The following SCARA5 variants were observed in gnomAD, a reference collection of about 807,000 sequenced individuals.
SCARA5 encodes the protein scavenger receptor class A, member 5 (putative).
SCARA5 carries 45 observed loss-of-function variants against 46.3 expected under a neutral mutation model. The ratio of observed to expected loss-of-function variants is 0.97; its 90% CI spans 0.76 to 1.24. The LOEUF (loss-of-function observed/expected upper bound fraction) is 1.24, where lower values mean the gene tolerates loss of function less well. Among genes scored for constraint, SCARA5 ranks in the 50% most tolerant of loss-of-function variants. The pLI, the probability that SCARA5 is intolerant of heterozygous loss-of-function variation, is 0.00. For synonymous variants in SCARA5, 333 were observed against 306.5 expected (o/e 1.09, Z -0.90); for missense variants, 680 against 689.0 (o/e 0.99, Z 0.15).
At chr8:27,876,991 A>G (rs1806735648) in intron 8 of SCARA5, among the ~76,000 whole-genome samples, 1 of 152,080 alleles carries the variant, frequency 6.6e-6, no homozygotes, top group Non-Finnish European at 1.5e-5. Flanking sequence ...CATGACTACA[A>G]CAGCATTAAA....
intron 3 of SCARA5, among the ~76,000 whole-genome samples, chr8:27,949,872 G>A (rs1407183274): frequency 2.0e-5 from 3 of 152,234 alleles, no homozygotes; most frequent in Non-Finnish European, 4.4e-5. Flanking sequence ...CCTGAGGGGA[G>A]CCACTGCCCA....
chr8:27,877,188 C>G (rs1400506066), intron 8 of SCARA5, among the ~76,000 whole-genome samples: 1 of 152,094 alleles, frequency 6.6e-6, no homozygotes, highest in Non-Finnish European at 1.5e-5. Context: ...TTATGCCAGC[C>G]CTTCCCTGCC....
intron 3 of SCARA5, among the ~76,000 whole-genome samples, chr8:27,939,583 T>C (rs1283533931): frequency 6.6e-6 from 1 of 152,058 alleles, no homozygotes; most frequent in African/African-American, 2.4e-5. Context: ...CCATATTTTA[T>C]AGGTAAGGAA....
intron 7 of SCARA5, among the ~76,000 whole-genome samples, chr8:27,889,737 G>C (rs1178173367): frequency 6.6e-6 from 1 of 152,204 alleles, no homozygotes; most frequent in East Asian, 1.9e-4. Flanking sequence ...TGAGTCTTAT[G>C]GGAGAACCAA....
intron 2 of SCARA5, among the ~76,000 whole-genome samples, chr8:27,984,791 T>C (rs1441093764): frequency 6.6e-6 from 1 of 151,682 alleles, no homozygotes; most frequent in African/African-American, 2.4e-5. Context: ...ATCCATCCAT[T>C]CACCCATTCA....
In SCARA5 at chr8:27,911,067, C is replaced by T. The variant is rs972833051; in HGVS notation, c.917-1324G>A. On this transcript the variant is annotated intron_variant, in intron 4 of 8. Coordinates refer to ENST00000354914, the MANE Select transcript of SCARA5 (RefSeq NM_173833.6). ...GCAGAATCTTCTTGCCAGCCATTGT[C>T]GCACCTGCTGTTCCCAAGCTAGTGA... 4.6e-5 allele frequency among the ~76,000 whole-genome samples: 7 copies of T among 152,260 alleles called. No individual in the cohort carries two copies. In the South Asian group the frequency reaches 6.2e-4, roughly 14 times the overall value.
rs185510832 is a variant in SCARA5, at chr8:27,956,792, G to A, written c.241+9622C>T. On this transcript the variant is annotated intron_variant, in intron 3 of 8. Transcript: ENST00000354914. Reference sequence around the variant, plus strand: ...CTGTGTCTCATTCGGTGCTAGGCTCGTTGTTGGCACCTGGTAAGTGTTTGT... The same window carrying A: ...CTGTGTCTCATTCGGTGCTAGGCTCATTGTTGGCACCTGGTAAGTGTTTGT... Among the ~76,000 whole-genome samples, 26 of 152,288 alleles carry A rather than the reference G, an allele frequency of 1.7e-4. No homozygotes were observed. The East Asian group carries it at 2.5e-3, about 15-fold the overall frequency.
At position 27,907,247 on chromosome 8, in the gene SCARA5, C is replaced by T; in HGVS notation, c.998-1G>A. 1 of 1,610,664 alleles carries T rather than the reference C, an allele frequency of 6.2e-7. No individual in the cohort carries two copies. Among genetic ancestry groups the T allele is most frequent in the Non-Finnish European group, 8.5e-7 (1 of 1,177,832 alleles). On this transcript the variant is annotated splice_acceptor_variant, in intron 5 of 8. Coordinates refer to ENST00000354914, the MANE Select transcript of SCARA5 (RefSeq NM_173833.6). LOFTEE classifies it high-confidence loss of function. Reference sequence around the variant, plus strand: ...GGGGTACCTCTCTCCCCGGGCAGACCTGGGGAGAAAACAGACAAATGGCAG... The same window carrying T: ...GGGGTACCTCTCTCCCCGGGCAGACTTGGGGAGAAAACAGACAAATGGCAG...
intron 3 of SCARA5, among the ~76,000 whole-genome samples, chr8:27,942,510 C>T (rs1807967476): frequency 6.6e-6 from 1 of 152,198 alleles, no homozygotes; most frequent in African/African-American, 2.4e-5. Context: ...TCCACCTGCC[C>T]TCCTCTGGCC....
chr8:27,895,284 C>A (rs568205368), intron 7 of SCARA5, among the ~76,000 whole-genome samples: 1 of 152,110 alleles, frequency 6.6e-6, no homozygotes, highest in Non-Finnish European at 1.5e-5. Context: ...AAGAACTCCC[C>A]GTGCCCCCAG....
chr8:27,902,318 C>T (rs1034503853), intron 7 of SCARA5, among the ~76,000 whole-genome samples: 5 of 152,090 alleles, frequency 3.3e-5, no homozygotes, highest in Non-Finnish European at 5.9e-5. Flanking sequence ...TGGCCTCCCC[C>T]CACGCCTCCC....
At chr8:27,977,098 C>T (rs1808536572) in intron 2 of SCARA5, among the ~76,000 whole-genome samples, 3 of 152,330 alleles carry the variant, frequency 2.0e-5, no homozygotes, top group South Asian at 2.1e-4. Context: ...CGCCCCACTC[C>T]TCACGGTATA....
intron 3 of SCARA5, 100 bp from the exon 4 acceptor site, chr8:27,922,345 C>A: frequency 1.4e-6 from 1 of 730,718 alleles, no homozygotes; most frequent in South Asian, 2.2e-5. Context: ...AGTAGGTGCT[C>A]AATAAATGAT....
At chr8:27,872,708 T>C (rs950171630) in intron 8 of SCARA5, among the ~76,000 whole-genome samples, 3 of 152,226 alleles carry the variant, frequency 2.0e-5, no homozygotes, top group Non-Finnish European at 4.4e-5. Flanking sequence ...GGAAGACACA[T>C]CGGTTTACAA....
intron 3 of SCARA5, among the ~76,000 whole-genome samples, chr8:27,927,008 G>A (rs1377826216): frequency 1.3e-5 from 2 of 152,134 alleles, no homozygotes; most frequent in Non-Finnish European, 2.9e-5. Flanking sequence ...TTTCAAACTG[G>A]GACCTTGAGT....
rs972905232 is a variant in SCARA5, at chr8:27,871,239, T to C, written c.*695A>G. The C allele has an allele frequency of 1.8e-5, 3 of 162,848 alleles. No individual in the cohort carries two copies. The highest frequency in any genetic ancestry group is 7.2e-5 in the African/African-American group (3 of 41,608). The allele number at this position is 162,848 out of a possible 1,614,324, so 10.1% of individuals were successfully genotyped here. Reference sequence around the variant, plus strand: ...TCCAGACTGACATGCCCTGGACCAATGCAGCTAAGTGGATACATGAATTTG... The same window carrying C: ...TCCAGACTGACATGCCCTGGACCAACGCAGCTAAGTGGATACATGAATTTG... On this transcript the variant is annotated 3_prime_UTR_variant, in exon 9 of 9. Transcript: ENST00000354914.
chr8:27,959,091 G>A (rs888577726), intron 3 of SCARA5, among the ~76,000 whole-genome samples: 7 of 152,070 alleles, frequency 4.6e-5, no homozygotes, highest in African/African-American at 9.7e-5. Context: ...AAATTAGCCC[G>A]GCTTGGTGGC....
At chr8:27,955,141 C>A (rs1808188050) in intron 3 of SCARA5, among the ~76,000 whole-genome samples, 1 of 152,178 alleles carries the variant, frequency 6.6e-6, no homozygotes, top group Admixed American at 6.5e-5. Flanking sequence ...GCTCCAGAGA[C>A]CCCTCTAGAG....
chr8:27,892,764 A>C (rs1254309788), intron 7 of SCARA5, among the ~76,000 whole-genome samples: 1 of 151,916 alleles, frequency 6.6e-6, no homozygotes, highest in Non-Finnish European at 1.5e-5. Context: ...CGCCACCACG[A>C]CCGGCTAATT....
Sources: gnomAD v4.1 joint callset for allele counts (sites outside exome capture counted in the v4.1 genomes callset) on GRCh38, gnomAD v4.1.1 for gene constraint, MANE v1.5 for transcripts, NCBI Gene and HGNC (gene_info 2026-07-23, HGNC 2026-07-21) for gene names.